Variants in ANXA10 observed in about 807,000 individuals in gnomAD.
ANXA10 encodes annexin 14.
ANXA10 carries 49 observed loss-of-function variants against 53.5 expected under a neutral mutation model. The observed-to-expected ratio is 0.92, with a 90% CI of 0.73 to 1.16. ANXA10 has a LOEUF of 1.16. Among genes scored for constraint, ANXA10 ranks in the 50% most tolerant of loss-of-function variants. The pLI, the probability that ANXA10 is intolerant of heterozygous loss-of-function variation, is 0.00. For synonymous variants in ANXA10, 131 were observed against 128.9 expected (o/e 1.02, Z -0.11); for missense variants, 393 against 394.4 (o/e 1.00, Z 0.03).
chr4:168,179,187 T>C (rs1560792766), intron 8 of ANXA10, 30 bp from the exon 9 acceptor site: 1 of 1,342,588 alleles, frequency 7.4e-7, no homozygotes. Flanking sequence ...ATTTTCAAAA[T>C]CTCCTTTGAA....
chr4:168,133,468 A>T (rs1278518624), intron 2 of ANXA10, among the ~76,000 whole-genome samples: 1 of 152,076 alleles, frequency 6.6e-6, no homozygotes, highest in African/African-American at 2.4e-5. Context: ...TAATAATTTT[A>T]AAAAATAATC....
At chr4:168,165,479 C>T (rs1731860998) in intron 6 of ANXA10, among the ~76,000 whole-genome samples, 153 bp downstream of exon 6, 1 of 150,750 alleles carries the variant, frequency 6.6e-6, no homozygotes, top group African/African-American at 2.4e-5. Flanking sequence ...AAGCCATGTT[C>T]AAAATACTCA....
intron 6 of ANXA10, among the ~76,000 whole-genome samples, chr4:168,170,835 T>A (rs17053707): frequency 0.083 from 12,665 of 152,202 alleles, 810 homozygotes; most frequent in African/African-American, 0.18. Flanking sequence ...TCATAAAGAT[T>A]ATTTAACTCA....
At chr4:168,136,699 G>A (rs1182041465) in intron 2 of ANXA10, among the ~76,000 whole-genome samples, 3 of 152,210 alleles carry the variant, frequency 2.0e-5, no homozygotes. Flanking sequence ...TTGACTCCCT[G>A]TGCTTTTCCA....
intron 6 of ANXA10, among the ~76,000 whole-genome samples, chr4:168,170,861 G>A (rs72987487): frequency 1.1e-4 from 17 of 151,986 alleles, no homozygotes; most frequent in African/African-American, 4.1e-4. Context: ...GAAAATGGAG[G>A]TACCAAACTA....
chr4:168,125,865 T>C (rs1731058899), intron 1 of ANXA10, among the ~76,000 whole-genome samples: 1 of 152,180 alleles, frequency 6.6e-6, no homozygotes, highest in African/African-American at 2.4e-5. Context: ...GTATTCTTTA[T>C]TCCTTTTTCA....
Position 168,092,583 on chromosome 4 carries a change from G to A in ANXA10, c.-118G>A. 9.7e-7 allele frequency: 1 copy of A among 1,027,490 alleles called. No individual in the cohort carries two copies. Among genetic ancestry groups the A allele is most frequent in the East Asian group, 2.5e-5 (1 of 39,700 alleles). The allele number at this position is 1,027,490 out of a possible 1,614,324, so 63.6% of individuals were successfully genotyped here. ...TTCTTGCCTGAGTCTGAGGTGAACA[G>A]TGAACATATTTACATTTGATTTAAC... On this transcript the variant is annotated 5_prime_UTR_variant, in exon 1 of 12. In the 5' UTR this introduces an upstream ATG that the reference lacks. Coordinates refer to ENST00000359299, the MANE Select transcript of ANXA10 (RefSeq NM_007193.5).
At chr4:168,169,532 A>G (rs1731943752) in intron 6 of ANXA10, among the ~76,000 whole-genome samples, 1 of 152,188 alleles carries the variant, frequency 6.6e-6, no homozygotes, top group Non-Finnish European at 1.5e-5. Flanking sequence ...TCCCAAGAAC[A>G]TTCCATAATT....
chr4:168,156,678 T>C (rs1371342919), intron 3 of ANXA10, among the ~76,000 whole-genome samples: 1 of 151,402 alleles, frequency 6.6e-6, no homozygotes, highest in Admixed American at 6.6e-5. Context: ...TAATTTTTTG[T>C]ATTTTTAGTA....
At chr4:168,128,345 TA>T (rs1481850610) in intron 2 of ANXA10, among the ~76,000 whole-genome samples, 180 bp downstream of exon 2, 3 of 148,778 alleles carry the variant, frequency 2.0e-5, no homozygotes, top group African/African-American at 7.4e-5. Flanking sequence ...AAAAAGACAA[TA>T]ATGATGAACA....
intron 3 of ANXA10, among the ~76,000 whole-genome samples, chr4:168,151,888 A>G (rs1731503532): frequency 6.6e-6 from 1 of 152,238 alleles, no homozygotes; most frequent in Admixed American, 6.5e-5. Context: ...GCTTGATGAT[A>G]AGGACCTTCA....
intron 3 of ANXA10, among the ~76,000 whole-genome samples, chr4:168,156,564 C>T (rs1363029249): frequency 3.3e-5 from 5 of 149,726 alleles, no homozygotes; most frequent in African/African-American, 7.4e-5. Context: ...AATGCAATGG[C>T]GGGATCTCAG....
At chr4:168,137,621 A>T (rs1731258250) in intron 2 of ANXA10, among the ~76,000 whole-genome samples, 1 of 152,154 alleles carries the variant, frequency 6.6e-6, no homozygotes, top group African/African-American at 2.4e-5. Context: ...TCTTTTTTAT[A>T]GCTGAGTAGT....
rs61179704 is a variant in ANXA10 at position 168,153,422 on chromosome 4, C to CAAAAAAAAAAAAA, written c.196-9099_196-9087dup. 1.4e-3 allele frequency among the ~76,000 whole-genome samples: 60 copies of CAAAAAAAAAAAAA among 43,402 alleles called. 1 individual carries two copies. Among genetic ancestry groups the CAAAAAAAAAAAAA allele is most frequent in the Non-Finnish European group, 2.1e-3 (41 of 19,268 alleles). 28.5% of individuals were successfully genotyped at this position (43,402 alleles called of 152,430 possible). ...GCTTCAAGCTGCTAAAAGCCTAAAG[C>CAAAAAAAAAAAAA]AAAAAAAAAAAAAAAAAAACAAAAA... On this transcript the variant is annotated intron_variant, in intron 3 of 11. Coordinates refer to ENST00000359299, the MANE Select transcript of ANXA10 (RefSeq NM_007193.5).
At chr4:168,166,631 CGTGTGTGTGTGTGTGTGTGTGTGT>C (rs34797848) in intron 6 of ANXA10, among the ~76,000 whole-genome samples, 3,687 of 136,790 alleles carry the variant, frequency 0.027, 150 homozygotes, top group African/African-American at 0.088. Context: ...TTTTGTGTTT[CGTGTGTGTGTGTGTGTGTGTGTGT>C]GTGTGTGTGT....
intron 1 of ANXA10, chr4:168,127,840 TTTTTG>T: frequency 7.4e-6 from 3 of 405,576 alleles, no homozygotes; most frequent in Admixed American, 4.2e-5. Context: ...TTTTTTTTTT[TTTTTG>T]CCTCCTGAGT....
At chr4:168,122,285 A>G (rs1473758292) in intron 1 of ANXA10, among the ~76,000 whole-genome samples, 2 of 152,204 alleles carry the variant, frequency 1.3e-5, no homozygotes, top group Non-Finnish European at 2.9e-5. Flanking sequence ...TATAAGGGTA[A>G]TAAGAGGATG....
At chr4:168,104,590 T>C (rs116825128) in intron 1 of ANXA10, among the ~76,000 whole-genome samples, 459 of 152,078 alleles carry the variant, frequency 3.0e-3, no homozygotes, top group African/African-American at 0.01. Flanking sequence ...CAATTTAAGT[T>C]AACTGCTTTT....
At chr4:168,156,875 G>A (rs534675225) in intron 3 of ANXA10, among the ~76,000 whole-genome samples, 44 of 152,138 alleles carry the variant, frequency 2.9e-4, no homozygotes, top group South Asian at 6.2e-4. Context: ...CCTCCAAACA[G>A]GAGACTCTAT....
Sources: gnomAD v4.1 joint callset for allele counts (sites outside exome capture counted in the v4.1 genomes callset) on GRCh38, gnomAD v4.1.1 for gene constraint, MANE v1.5 for transcripts, NCBI Gene and HGNC (gene_info 2026-07-23, HGNC 2026-07-21) for gene names.